Variants in CRADD observed in about 807,000 individuals in gnomAD.
The protein encoded by CRADD is death domain-containing protein CRADD.
CRADD carries 9 observed loss-of-function variants against 15.5 expected under a neutral mutation model. The ratio of observed to expected loss-of-function variants is 0.58; its 90% CI spans 0.35 to 1.01. The LOEUF is 1.01. CRADD is among the 50% of genes least tolerant of loss of function. The probability of loss-of-function intolerance (pLI) is 0.02; values close to 1 mark genes in which losing one functional copy is unlikely to be tolerated. For synonymous variants in CRADD, 118 were observed against 107.6 expected, an observed-to-expected ratio of 1.10 and a Z score of -0.60; for missense variants, 227 against 250.3, an observed-to-expected ratio of 0.91 and a Z score of 0.63.
chr12:93,721,418 T>C (rs567952530), intron 2 of CRADD, among the ~76,000 whole-genome samples: 1 of 152,164 alleles, frequency 6.6e-6, no homozygotes, highest in Non-Finnish European at 1.5e-5. Context: ...TATACGTTAG[T>C]GTATATAACT....
At chr12:93,765,605 G>C (rs1014073425) in intron 2 of CRADD, among the ~76,000 whole-genome samples, 2 of 152,066 alleles carry the variant, frequency 1.3e-5, no homozygotes, top group African/African-American at 4.8e-5. Context: ...TCCTGGGTGC[G>C]CCCTCCTAGG....
intron 2 of CRADD, among the ~76,000 whole-genome samples, chr12:93,800,311 A>G (rs995904782): frequency 3.9e-5 from 6 of 152,170 alleles, no homozygotes; most frequent in African/African-American, 1.4e-4. Context: ...TGGATGTTCC[A>G]GCTCAAGAAG....
At chr12:93,719,316 A>G (rs777812840) in intron 2 of CRADD, among the ~76,000 whole-genome samples, 1 of 152,180 alleles carries the variant, frequency 6.6e-6, no homozygotes, top group Non-Finnish European at 1.5e-5. Context: ...GTCATGGTGT[A>G]TAATTCTTTT....
chr12:93,747,964 G>T (rs1956780897), intron 2 of CRADD, among the ~76,000 whole-genome samples: 1 of 151,970 alleles, frequency 6.6e-6, no homozygotes, highest in Non-Finnish European at 1.5e-5. Context: ...GACCTTAAGT[G>T]GTTTGCTCAG....
chr12:93,718,595 C>T (rs962012835), intron 2 of CRADD, among the ~76,000 whole-genome samples: 11 of 152,120 alleles, frequency 7.2e-5, no homozygotes, highest in African/African-American at 2.4e-4. Flanking sequence ...ATCATGTCAT[C>T]TGTGAAGAAG....
intron 2 of CRADD, among the ~76,000 whole-genome samples, chr12:93,698,876 T>C (rs1433786069): frequency 6.6e-6 from 1 of 152,226 alleles, no homozygotes; most frequent in Non-Finnish European, 1.5e-5. Context: ...CCATGCTTAT[T>C]TGTTAACACG....
chr12:93,893,331 G>C (rs963812057), intron 2 of CRADD, among the ~76,000 whole-genome samples: 5 of 151,906 alleles, frequency 3.3e-5, no homozygotes, highest in Non-Finnish European at 5.9e-5. Flanking sequence ...TAAAATAGAG[G>C]GGCATTCCCT....
chr12:93,679,597 C>T (rs1592871739), intron 2 of CRADD, among the ~76,000 whole-genome samples: 2 of 152,146 alleles, frequency 1.3e-5, no homozygotes, highest in Admixed American at 6.5e-5. Context: ...AAGAATGAAC[C>T]GTGACTGGGA....
Position 93,678,968 on chromosome 12 carries a change from G to T in CRADD, c.194G>T (p.Gly65Val), listed in dbSNP as rs751057807. 1.9e-6 allele frequency: 3 copies of T among 1,613,928 alleles called. No homozygotes were observed. Among genetic ancestry groups the T allele is most frequent in the Non-Finnish European group, 2.5e-6 (3 of 1,179,864 alleles). ...MLLLDILPSR[G>V]PKAFDTFLDS... ...CTGCTGGATATCCTACCTTCCAGGG[G>T]CCCTAAAGCATTTGATACATTCCTA... The change falls in exon 2 of 3, where the codon GGC becomes GTC. Residue 65 changes from glycine (G) to valine (V), a missense_variant. Physicochemically the swap from Gly to Val is moderately radical, Grantham distance 109. Coordinates refer to ENST00000332896, the MANE Select transcript of CRADD (RefSeq NM_003805.5).
intron 2 of CRADD, among the ~76,000 whole-genome samples, chr12:93,821,528 T>C (rs149995335): frequency 3.3e-5 from 5 of 152,338 alleles, no homozygotes; most frequent in African/African-American, 1.2e-4. Context: ...CTTGATTAAT[T>C]ATCCTTCCTG....
rs1357274335 is a variant in CRADD at position 93,798,210 on chromosome 12, C to A, written c.299-51760C>A. On this transcript the variant is annotated intron_variant, in intron 2 of 2. Coordinates refer to ENST00000332896, the MANE Select transcript of CRADD (RefSeq NM_003805.5). ...TTTTCTTTTTTCCCAGGAAATGATA[C>A]CTTTCTTGAAGGCAGGAAACTGTGT... is the stretch of plus-strand genomic sequence containing the variant. Among the ~76,000 whole-genome samples, 4 of 152,084 alleles carry A rather than the reference C, an allele frequency of 2.6e-5. No homozygotes were observed. The East Asian group carries it at 7.7e-4, about 29-fold the overall frequency.
chr12:93,829,692 G>C (rs575224273), intron 2 of CRADD, among the ~76,000 whole-genome samples: 1 of 151,576 alleles, frequency 6.6e-6, no homozygotes, highest in East Asian at 2.0e-4. Flanking sequence ...TTGGTTTTTT[G>C]TTGTTGTTGT....
chr12:93,793,998 AG>A (rs2136988478), intron 2 of CRADD, among the ~76,000 whole-genome samples: 1 of 152,232 alleles, frequency 6.6e-6, no homozygotes, highest in Non-Finnish European at 1.5e-5. Context: ...TACCTTTTTA[AG>A]GGTCCCCACC....
intron 2 of CRADD, among the ~76,000 whole-genome samples, chr12:93,701,509 T>C (rs1955844851): frequency 1.3e-5 from 2 of 152,162 alleles, no homozygotes; most frequent in South Asian, 2.1e-4. Flanking sequence ...CTTGTGGGAA[T>C]AGTGCTAGCA....
chr12:93,868,715 A>C (rs1157788092), intron 2 of CRADD, among the ~76,000 whole-genome samples: 2 of 145,430 alleles, frequency 1.4e-5, no homozygotes, highest in African/African-American at 5.4e-5. Context: ...CACACACACA[A>C]GAAGGACCAA....
intron 2 of CRADD, among the ~76,000 whole-genome samples, chr12:93,732,281 G>A (rs968529511): frequency 7.8e-6 from 1 of 128,256 alleles, no homozygotes; most frequent in African/African-American, 2.5e-5. Context: ...ACTTTAGTGT[G>A]CATTTTCAGT....
chr12:93,810,160 A>ACATT (rs1957605340), intron 2 of CRADD, among the ~76,000 whole-genome samples: 1 of 152,160 alleles, frequency 6.6e-6, no homozygotes, highest in Non-Finnish European at 1.5e-5. Context: ...TTGAAGTAGG[A>ACATT]CATTCTGTGC....
At chr12:93,774,000 A>ATTTT (rs112039885) in intron 2 of CRADD, among the ~76,000 whole-genome samples, 8 of 131,834 alleles carry the variant, frequency 6.1e-5, no homozygotes, top group African/African-American at 2.3e-4. Context: ...CACCTGGCTA[A>ATTTT]TTTTTTTTTT....
At chr12:93,862,331 T>C (rs1476711570) in intron 2 of CRADD, among the ~76,000 whole-genome samples, 1 of 152,220 alleles carries the variant, frequency 6.6e-6, no homozygotes, top group Non-Finnish European at 1.5e-5. Context: ...CCGAGGATAA[T>C]TCCAAGGCAA....
Sources: allele counts gnomAD v4.1 joint callset (sites outside exome capture counted in the v4.1 genomes callset), GRCh38; gene constraint gnomAD v4.1.1; transcripts MANE v1.5; gene names NCBI Gene and HGNC (gene_info 2026-07-23, HGNC 2026-07-21).